KCNQ1: variants seen among roughly 807,000 people sequenced by gnomAD.
KCNQ1 encodes potassium voltage-gated channel subfamily KQT member 1.
KCNQ1 carries 49 observed loss-of-function variants against 72.4 expected under a neutral mutation model. That is an observed-to-expected ratio of 0.68 (90% CI 0.54 to 0.86). KCNQ1 has a LOEUF of 0.86. Ranked by LOEUF, KCNQ1 falls within the 40% of genes least tolerant of loss-of-function variation. The pLI, the probability that KCNQ1 is intolerant of heterozygous loss-of-function variation, is 0.00. For synonymous variants in KCNQ1, 450 were observed against 412.6 expected (o/e 1.09, Z -1.10); for missense variants, 790 against 945.1 (o/e 0.84, Z 2.15).
At chr11:2,740,194 G>A (rs1217560404) in intron 11 of KCNQ1, among the ~76,000 whole-genome samples, 1 of 152,114 alleles carries the variant, frequency 6.6e-6, no homozygotes, top group African/African-American at 2.4e-5. Context: ...GGCCTCTGAG[G>A]AGCCTCCAGG....
rs979683275 is a variant in KCNQ1, at chr11:2,588,944, T to C, written c.1393+90T>C. The C allele has an allele frequency of 5.5e-6, 8 of 1,467,206 alleles. No individual in the cohort carries two copies. In the Admixed American group the frequency reaches 7.4e-5, roughly 14 times the overall value. 90.9% of individuals were successfully genotyped at this position (1,467,206 alleles called of 1,614,324 possible). ...CGAGCAAGCCAGTGAGTTTCTCCCT[T>C]GGGCTGTGGTCTCTGACAACGAGGT... is the stretch of plus-strand genomic sequence containing the variant. On this transcript the variant is annotated intron_variant, in intron 10 of 15. Coordinates refer to ENST00000155840, the MANE Select transcript of KCNQ1 (RefSeq NM_000218.3). The surrounding 1 kb of genome is among the most constrained non-coding windows in gnomAD (Gnocchi z 5.6).
At chr11:2,634,309 TC>T (rs1564840070) in intron 10 of KCNQ1, 11 of 177,108 alleles carry the variant, frequency 6.2e-5, no homozygotes, top group African/African-American at 2.1e-4. Context: ...CCTAATGCTT[TC>T]CCTCCCCCCT....
chr11:2,719,575 G>A (rs922399261), intron 11 of KCNQ1, among the ~76,000 whole-genome samples: 1 of 152,128 alleles, frequency 6.6e-6, no homozygotes, highest in African/African-American at 2.4e-5. Flanking sequence ...TAAGAAGTCA[G>A]AGAATCCTCT....
In KCNQ1 at chr11:2,645,650, G is replaced by A. The variant is rs757125831; in HGVS notation, c.1394-16311G>A. 9.7e-4 allele frequency: 388 copies of A among 398,626 alleles called. 1 individual carries two copies. The highest frequency in any genetic ancestry group is 1.9e-3 in the Middle Eastern group (3 of 1,614). The allele number at this position is 398,626 out of a possible 1,614,324, so 24.7% of individuals were successfully genotyped here. A position where few individuals can be genotyped will look rare whatever the true frequency, so the allele number is the denominator to read the frequency against. ...CCTTTCCTCATGGCAGCCTTGCTTC[G>A]GAGGTAGCAGAGTATTGCCAATGGC... On this transcript the variant is annotated intron_variant, in intron 10 of 15. Transcript: ENST00000155840. This position sits in a 1 kb window ranked among gnomAD's most constrained non-coding sequence, Gnocchi z 5.8.
intron 15 of KCNQ1, among the ~76,000 whole-genome samples, chr11:2,846,304 T>C (rs1486718972): frequency 6.6e-6 from 1 of 152,198 alleles, no homozygotes; most frequent in Non-Finnish European, 1.5e-5. Flanking sequence ...TACGTTTCCC[T>C]GAAGCAGCTC....
chr11:2,679,215 G>A lies in KCNQ1; in HGVS notation c.1514+17134G>A, dbSNP rs1400365263. Reference sequence around the variant, plus strand: ...TGTAACAATGCAGCCCCATCCATGTGAAGCTGGTCCAGAGGACTACAGCTG... The same window carrying A: ...TGTAACAATGCAGCCCCATCCATGTAAAGCTGGTCCAGAGGACTACAGCTG... On this transcript the variant is annotated intron_variant, in intron 11 of 15. Transcript: ENST00000155840. The surrounding 1 kb of genome is among the most constrained non-coding windows in gnomAD (Gnocchi z 4.8). 2.5e-6 allele frequency: 1 copy of A among 398,518 alleles called. No homozygotes were observed. Among genetic ancestry groups the A allele is most frequent in the Non-Finnish European group, 4.4e-6 (1 of 226,104 alleles). The allele number at this position is 398,518 out of a possible 1,614,324, so 24.7% of individuals were successfully genotyped here.
intron 1 of KCNQ1, among the ~76,000 whole-genome samples, chr11:2,527,665 T>C (rs1847533460): frequency 6.6e-6 from 1 of 152,234 alleles, no homozygotes; most frequent in South Asian, 2.1e-4. Context: ...CACCTGTCTG[T>C]GTCTGGCCTT....
chr11:2,518,800 G>C (rs1847328943), intron 1 of KCNQ1, among the ~76,000 whole-genome samples: 1 of 152,202 alleles, frequency 6.6e-6, no homozygotes, highest in Admixed American at 6.5e-5. Flanking sequence ...AAAGAAATGA[G>C]ACTCAGCTGC....
intron 11 of KCNQ1, chr11:2,686,498 G>T (rs760025083): frequency 2.3e-5 from 9 of 398,568 alleles, no homozygotes; most frequent in Non-Finnish European, 3.5e-5. Flanking sequence ...CCCTCACCCA[G>T]TGTTGAGTCT....
rs1383099802 is a variant in KCNQ1 at position 2,734,566 on chromosome 11, C to A, written c.1515-34278C>A. 6.6e-6 allele frequency among the ~76,000 whole-genome samples: 1 copy of A among 151,722 alleles called. No homozygotes were observed. Among genetic ancestry groups the A allele is most frequent in the African/African-American group, 2.4e-5 (1 of 41,276 alleles). On this transcript the variant is annotated intron_variant, in intron 11 of 15. Coordinates refer to ENST00000155840, the MANE Select transcript of KCNQ1 (RefSeq NM_000218.3). The surrounding 1 kb of genome is among the most constrained non-coding windows in gnomAD (Gnocchi z 7.0). ...GGAGCGGGGCTGTCGAGGCTGATCT[C>A]AGGATGCTTGCTGCGGCTGCTGGGT...
intron 10 of KCNQ1, chr11:2,630,460 G>A (rs966384689): frequency 1.3e-5 from 5 of 397,980 alleles, no homozygotes; most frequent in Non-Finnish European, 2.2e-5. Flanking sequence ...TTTGTTTGGG[G>A]GGAATATTTT....
rs1848253973 is a variant in KCNQ1 at position 2,566,763 on chromosome 11, G to T, written c.478-3865G>T. 6.6e-6 allele frequency among the ~76,000 whole-genome samples: 1 copy of T among 152,164 alleles called. No individual in the cohort carries two copies. The highest frequency in any genetic ancestry group is 6.5e-5 in the Admixed American group (1 of 15,282). ...CGGGCCATTGCATCCTTGACCCCGG[G>T]GGGCTTGCAGGCACCACATAGATCT... On this transcript the variant is annotated intron_variant, in intron 2 of 15. Transcript: ENST00000155840. The surrounding 1 kb of genome is among the most constrained non-coding windows in gnomAD (Gnocchi z 6.7).
At chr11:2,751,791 G>T (rs893291156) in intron 11 of KCNQ1, among the ~76,000 whole-genome samples, 1 of 152,230 alleles carries the variant, frequency 6.6e-6, no homozygotes, top group East Asian at 1.9e-4. Flanking sequence ...GTGTTCAGCC[G>T]CCCTGTCCCC....
chr11:2,810,072 G>A (rs867659231), intron 15 of KCNQ1, among the ~76,000 whole-genome samples: 23 of 152,340 alleles, frequency 1.5e-4, no homozygotes, highest in Middle Eastern at 3.4e-3. Flanking sequence ...GGAGCTGAAT[G>A]TAATTTTCCT....
At position 2,826,536 on chromosome 11, in the gene KCNQ1, C is replaced by G. The variant is rs1427727268; in HGVS notation, c.1795-21231C>G. On this transcript the variant is annotated intron_variant, in intron 15 of 15. Coordinates refer to ENST00000155840, the MANE Select transcript of KCNQ1 (RefSeq NM_000218.3). The surrounding 1 kb of genome is among the most constrained non-coding windows in gnomAD (Gnocchi z 4.2). ...GAGCACTTTCCCCCGCCCCCTCCTG[C>G]TGCTGCTTCCCCGAAGGCCTCCCCA... Among the ~76,000 whole-genome samples the G allele has an allele frequency of 1.3e-5, 2 of 152,236 alleles. No homozygotes were observed. Among genetic ancestry groups the G allele is most frequent in the Non-Finnish European group, 2.9e-5 (2 of 68,034 alleles).
rs1846849160 is a variant in KCNQ1, at chr11:2,782,978, C to T, written c.1794+4941C>T. 1.3e-5 allele frequency among the ~76,000 whole-genome samples: 2 copies of T among 152,042 alleles called. No individual in the cohort carries two copies. The highest frequency in any genetic ancestry group is 4.8e-5 in the African/African-American group (2 of 41,408). ...CCTTAATATACTGTTCTTTCTCTAA[C>T]CTCTCTAAATTAAGAAGAGGATAAT... On this transcript the variant is annotated intron_variant, in intron 15 of 15. Transcript: ENST00000155840. The surrounding 1 kb of genome is among the most constrained non-coding windows in gnomAD (Gnocchi z 6.1).
At position 2,579,592 on chromosome 11, in the gene KCNQ1, T is replaced by C. The variant is rs1230926485; in HGVS notation, c.922-3843T>C. 1.3e-5 allele frequency among the ~76,000 whole-genome samples: 2 copies of C among 152,166 alleles called. No homozygotes were observed. The highest frequency in any genetic ancestry group is 2.9e-5 in the Non-Finnish European group (2 of 68,026). On this transcript the variant is annotated intron_variant, in intron 6 of 15. Coordinates refer to ENST00000155840, the MANE Select transcript of KCNQ1 (RefSeq NM_000218.3). The surrounding 1 kb of genome is among the most constrained non-coding windows in gnomAD (Gnocchi z 6.0). The stretch of plus-strand genomic sequence containing the variant: ...GGTCTGCAGGGAGGGGCCGTTTCCT[T>C]GTTAACTTGAGGATGAGGGTCTGGG...
rs946573009 is a variant in KCNQ1, at chr11:2,491,943, G to GA, written c.387-35978dup. Among the ~76,000 whole-genome samples, 1 of 152,020 alleles carries GA rather than the reference G, an allele frequency of 6.6e-6. No homozygotes were observed. Among genetic ancestry groups the GA allele is most frequent in the Non-Finnish European group, 1.5e-5 (1 of 67,984 alleles). On this transcript the variant is annotated intron_variant, in intron 1 of 15. Transcript: ENST00000155840. This position sits in a 1 kb window ranked among gnomAD's most constrained non-coding sequence, Gnocchi z 4.1. ...ATTTAAGGTGCTGAAGGAAAAAAAA[G>GA]AAAAAAACTTTTGCTCTAGAATAGT...
At chr11:2,708,728 C>A (rs1001776618) in intron 11 of KCNQ1, among the ~76,000 whole-genome samples, 2 of 152,142 alleles carry the variant, frequency 1.3e-5, no homozygotes, top group East Asian at 1.9e-4. Flanking sequence ...GGGGGCGGTC[C>A]ATTTCCATCT....
Sources: allele counts gnomAD v4.1 joint callset (sites outside exome capture counted in the v4.1 genomes callset), GRCh38; gene constraint gnomAD v4.1.1; non-coding constraint Gnocchi (gnomAD v3.1); transcripts MANE v1.5; gene names NCBI Gene and HGNC (gene_info 2026-07-23, HGNC 2026-07-21).